The following ABI2 variants were observed in gnomAD, a reference collection of about 807,000 sequenced individuals.
ABI2 encodes abl interactor 2.
A neutral mutation model predicts 59.2 loss-of-function variants in ABI2; 25 were observed. The ratio of observed to expected loss-of-function variants is 0.42; its 90% confidence interval spans 0.31 to 0.59. The LOEUF is 0.59. ABI2 is among the 20% of genes least tolerant of loss of function. The probability of loss-of-function intolerance (pLI) is 0.14; values close to 1 mark genes in which losing one functional copy is unlikely to be tolerated. For synonymous variants in ABI2, 213 were observed against 235.5 expected, an observed-to-expected ratio of 0.90 and a Z score of 0.87; for missense variants, 545 against 681.8, an observed-to-expected ratio of 0.80 and a Z score of 2.23.
At chr2:203,377,359 A>T (rs1435436593) in intron 2 of ABI2, among the ~76,000 whole-genome samples, 1 of 152,166 alleles carries the variant, frequency 6.6e-6, no homozygotes, top group Non-Finnish European at 1.5e-5. Context: ...TAGAAGCTAT[A>T]AGCTTGTAAT....
At chr2:203,352,311 T>C (rs1423955311) in intron 1 of ABI2, among the ~76,000 whole-genome samples, 56 of 152,216 alleles carry the variant, frequency 3.7e-4, no homozygotes, top group Admixed American at 6.5e-5. Context: ...TTTATGATAT[T>C]GTACTTTTTA....
chr2:203,352,961 T>C (rs1414089742), intron 1 of ABI2, among the ~76,000 whole-genome samples: 1 of 152,258 alleles, frequency 6.6e-6, no homozygotes, highest in Non-Finnish European at 1.5e-5. Flanking sequence ...TATGGTAACA[T>C]ACTGTACAGG....
intron 11 of ABI2, 101 bp downstream of exon 11, chr2:203,417,182 C>T (rs1336729820): frequency 1.2e-5 from 13 of 1,084,670 alleles, no homozygotes; most frequent in African/African-American, 1.6e-5. Context: ...AAGTGAAGTT[C>T]TATTTATTTG....
intron 1 of ABI2, 74 bp from the exon 2 acceptor site, chr2:203,366,803 G>GT: frequency 1.4e-6 from 2 of 1,427,866 alleles, no homozygotes; most frequent in Non-Finnish European, 1.9e-6. Context: ...GTTGTGATGA[G>GT]TTTTTTGGTA....
chr2:203,368,234 A>G (rs928636650), intron 2 of ABI2, among the ~76,000 whole-genome samples: 1 of 152,100 alleles, frequency 6.6e-6, no homozygotes, highest in African/African-American at 2.4e-5. Flanking sequence ...GCAGTGAAAA[A>G]CCAATTAAGT....
chr2:203,380,294 T>C lies in ABI2; in HGVS notation c.372T>C (p.Ile124=), dbSNP rs2096029140. The C allele has an allele frequency of 6.2e-7, 1 of 1,609,940 alleles. No individual in the cohort carries two copies. Among genetic ancestry groups the C allele is most frequent in the African/African-American group, 1.3e-5 (1 of 74,782 alleles). ...AAAACACTTCAAGGACACATAAGAT[T>C]ATTGCTCCAGCCAACCTTGAACGAC... ...TNKNTSRTHK[I]IAPANLERPV... The change falls in exon 3 of 12, where the codon ATT becomes ATC. Residue 124 remains isoleucine, a synonymous_variant. Coordinates refer to ENST00000261018, the MANE Select transcript of ABI2 (RefSeq NM_001375670.1).
At chr2:203,378,701 A>T (rs181706860) in intron 2 of ABI2, among the ~76,000 whole-genome samples, 79 of 152,274 alleles carry the variant, frequency 5.2e-4, no homozygotes, top group African/African-American at 1.8e-3. Flanking sequence ...TAGAAAGGGG[A>T]AATTGAAGTA....
intron 1 of ABI2, among the ~76,000 whole-genome samples, chr2:203,362,370 A>G (rs1185285253): frequency 1.3e-5 from 2 of 152,164 alleles, no homozygotes. Flanking sequence ...CTAATATAGC[A>G]GTATAAGGTC....
rs777951265 is a variant in ABI2 at position 203,374,498 on chromosome 2, C to CAA, written c.286-5690_286-5689dup. The stretch of plus-strand genomic sequence containing the variant: ...TGGGTGGCAAAGCGAGACTCTGTCT[C>CAA]AAAAAAAAAAAAAAAAAAAAAGGAA... On this transcript the variant is annotated intron_variant, in intron 2 of 11. Coordinates refer to ENST00000261018, the MANE Select transcript of ABI2 (RefSeq NM_001375670.1). Among the ~76,000 whole-genome samples the CAA allele has an allele frequency of 6.1e-3, 324 of 53,542 alleles. 4 individuals are homozygous for CAA. The East Asian group carries it at 0.079, about 13-fold the overall frequency. 35.1% of individuals were successfully genotyped at this position (53,542 alleles called of 152,430 possible).
In ABI2 at chr2:203,429,753, CAA is replaced by C. The variant is rs71408936; in HGVS notation, c.*2417_*2418del. The stretch of plus-strand genomic sequence containing the variant: ...GCCTGGTGACAGAGCGAGACTCCAT[CAA>C]AAAAAAAAAAAAAAAGTTCCCACAG... On this transcript the variant is annotated 3_prime_UTR_variant, in exon 12 of 12. Transcript: ENST00000261018. 2.8e-4 allele frequency: 37 copies of C among 130,324 alleles called. No individual in the cohort carries two copies. The highest frequency in any genetic ancestry group is 4.6e-4 in the East Asian group (2 of 4,360). 8.1% of individuals were successfully genotyped at this position (130,324 alleles called of 1,614,324 possible).
At chr2:203,394,532 ATGG>A in intron 5 of ABI2, 165 bp from the exon 6 acceptor site, 1 of 616,022 alleles carries the variant, frequency 1.6e-6, no homozygotes, top group Non-Finnish European at 2.8e-6. Context: ...CAAAACCCTA[ATGG>A]TGGAGAAGTG....
At chr2:203,335,665 G>C (rs1575612912) in intron 1 of ABI2, among the ~76,000 whole-genome samples, 1 of 152,102 alleles carries the variant, frequency 6.6e-6, no homozygotes, top group Admixed American at 6.6e-5. Flanking sequence ...AAGTTTTGCA[G>C]TACTTTTCAT....
intron 1 of ABI2, among the ~76,000 whole-genome samples, chr2:203,355,658 C>T (rs780465640): frequency 1.3e-5 from 2 of 151,612 alleles, no homozygotes; most frequent in African/African-American, 2.4e-5. Flanking sequence ...GGAGAAACCC[C>T]GTCTTTACTA....
At chr2:203,361,467 C>T (rs970958309) in intron 1 of ABI2, among the ~76,000 whole-genome samples, 1 of 152,012 alleles carries the variant, frequency 6.6e-6, no homozygotes, top group Non-Finnish European at 1.5e-5. Flanking sequence ...GACCCTGTCT[C>T]AGAAAAGAAA....
chr2:203,373,177 A>C (rs892165407), intron 2 of ABI2, among the ~76,000 whole-genome samples: 17 of 152,108 alleles, frequency 1.1e-4, no homozygotes, highest in African/African-American at 4.1e-4. Context: ...GGCACCATTG[A>C]GCACTGAGTG....
intron 2 of ABI2, among the ~76,000 whole-genome samples, chr2:203,372,344 G>C (rs898820000): frequency 6.6e-6 from 1 of 152,148 alleles, no homozygotes; most frequent in Non-Finnish European, 1.5e-5. Flanking sequence ...ACACAGACAC[G>C]GCAACCATCC....
At chr2:203,395,542 A>G (rs1423868883) in intron 6 of ABI2, 114 bp from the exon 7 acceptor site, 3 of 1,159,964 alleles carry the variant, frequency 2.6e-6, no homozygotes, top group South Asian at 2.0e-5. Flanking sequence ...TTGAAGTGGT[A>G]CGCTTTTGAA....
chr2:203,394,459 A>G, intron 5 of ABI2: 1 of 470,994 alleles, frequency 2.1e-6, no homozygotes, highest in Non-Finnish European at 3.8e-6. Context: ...TTTGAGAATA[A>G]ATGAACAAAA....
At chr2:203,373,718 G>A (rs1486121660) in intron 2 of ABI2, among the ~76,000 whole-genome samples, 8 of 152,202 alleles carry the variant, frequency 5.3e-5, no homozygotes, top group African/African-American at 1.9e-4. Context: ...ACTGGGCCAG[G>A]TGTTAAATTA....
Sources: allele counts gnomAD v4.1 joint callset (sites outside exome capture counted in the v4.1 genomes callset), GRCh38; gene constraint gnomAD v4.1.1; transcripts MANE v1.5; gene names NCBI Gene and HGNC (gene_info 2026-07-23, HGNC 2026-07-21).